ADCY9: variants seen among roughly 807,000 people sequenced by gnomAD.
The protein encoded by ADCY9 is adenylate cyclase type 9.
ADCY9 carries 50 observed loss-of-function variants against 101.5 expected under a neutral mutation model. The ratio of observed to expected loss-of-function variants is 0.49; its 90% confidence interval spans 0.39 to 0.62. ADCY9 has a LOEUF of 0.62. Ranked by LOEUF, ADCY9 falls within the 20% of genes least tolerant of loss-of-function variation. The pLI is 0.00. For synonymous variants in ADCY9, 905 were observed against 769.3 expected (o/e 1.18, Z -2.92); for missense variants, 1,662 against 1,800.4 (o/e 0.92, Z 1.39).
At chr16:4,062,700 C>CA (rs956376418) in intron 2 of ADCY9, among the ~76,000 whole-genome samples, 2 of 151,858 alleles carry the variant, frequency 1.3e-5, no homozygotes, top group African/African-American at 4.8e-5. Context: ...AACAAAAACA[C>CA]AAAAAAATCC....
intron 3 of ADCY9, among the ~76,000 whole-genome samples, chr16:4,002,952 G>T (rs144997327): frequency 6.6e-6 from 1 of 152,330 alleles, no homozygotes; most frequent in East Asian, 1.9e-4. Context: ...CTGACCGCAG[G>T]TGATCTCTCT....
At position 3,965,671 on chromosome 16, in the gene ADCY9, C is replaced by A. The variant is rs961740777; in HGVS notation, c.*104G>T. 1 of 1,040,262 alleles carries A rather than the reference C, an allele frequency of 9.6e-7. No homozygotes were observed. The highest frequency in any genetic ancestry group is 1.4e-6 in the Non-Finnish European group (1 of 712,884). 64.4% of individuals were successfully genotyped at this position (1,040,262 alleles called of 1,614,324 possible). On this transcript the variant is annotated 3_prime_UTR_variant, in exon 11 of 11. Transcript: ENST00000294016. ...GGGCTGAAATGACCACATAACACCA[C>A]GTCCGGGGAGGGCAACTGTGGCGCT...
chr16:4,098,504 G>C (rs891369845), intron 2 of ADCY9, among the ~76,000 whole-genome samples: 1 of 152,066 alleles, frequency 6.6e-6, no homozygotes, highest in South Asian at 2.1e-4. Context: ...AAAGTGCTGG[G>C]ATTACAGGCA....
intron 9 of ADCY9, among the ~76,000 whole-genome samples, chr16:3,975,016 G>A (rs1245184930): frequency 6.6e-6 from 1 of 152,176 alleles, no homozygotes; most frequent in East Asian, 1.9e-4. Context: ...TCTGGGCCGA[G>A]TGGAACTTCA....
intron 3 of ADCY9, among the ~76,000 whole-genome samples, chr16:4,001,755 G>GT (rs755749399): frequency 0.01 from 941 of 93,808 alleles, 5 homozygotes; most frequent in African/African-American, 0.012. Flanking sequence ...TTTTTTTATT[G>GT]TTTTTTTTTT....
At chr16:3,969,614 T>TATATAAGTA (rs1567414929) in intron 10 of ADCY9, among the ~76,000 whole-genome samples, 1 of 50,720 alleles carries the variant, frequency 2.0e-5, no homozygotes, top group African/African-American at 7.9e-5. Flanking sequence ...ATATATGTAT[T>TATATAAGTA]TTTTTTTTTT....
chr16:4,102,140 G>A (rs918958079), intron 2 of ADCY9, among the ~76,000 whole-genome samples: 25 of 152,130 alleles, frequency 1.6e-4, no homozygotes, highest in African/African-American at 5.8e-4. Context: ...AGCGGGGAGC[G>A]TTAGTTATTG....
chr16:4,014,728 G>A (rs956217430), intron 2 of ADCY9, among the ~76,000 whole-genome samples: 16 of 152,026 alleles, frequency 1.1e-4, no homozygotes, highest in African/African-American at 3.6e-4. Flanking sequence ...GATTAAAGGC[G>A]TGAGCCACCA....
intron 10 of ADCY9, among the ~76,000 whole-genome samples, chr16:3,969,793 T>C (rs1027816803): frequency 2.0e-5 from 3 of 150,336 alleles, no homozygotes; most frequent in Non-Finnish European, 4.4e-5. Context: ...TTTTTGAACT[T>C]TTTGTAGAGA....
intron 2 of ADCY9, among the ~76,000 whole-genome samples, chr16:4,008,891 G>A (rs1264301515): frequency 3.3e-5 from 5 of 152,180 alleles, no homozygotes; most frequent in African/African-American, 9.7e-5. Context: ...GCTTCAGGTC[G>A]TGAAGGGTGT....
chr16:4,108,969 G>C lies in ADCY9; in HGVS notation c.1693+4781C>G, dbSNP rs969469718. Among the ~76,000 whole-genome samples, 62 of 151,958 alleles carry C rather than the reference G, an allele frequency of 4.1e-4. 1 individual carries two copies. Among genetic ancestry groups the C allele is most frequent in the African/African-American group, 1.2e-3 (51 of 41,376 alleles). ...GATCCGCCTACCTCGGCCTCCCAAA[G>C]TGTTGAGATTACAGGCATGAGCCAC... On this transcript the variant is annotated intron_variant, in intron 2 of 10. Transcript: ENST00000294016.
intron 2 of ADCY9, among the ~76,000 whole-genome samples, chr16:4,025,002 C>G (rs1196069702): frequency 6.6e-6 from 1 of 151,850 alleles, no homozygotes; most frequent in Non-Finnish European, 1.5e-5. Context: ...TGGGAAGCAG[C>G]CTTGGAGCTG....
intron 2 of ADCY9, among the ~76,000 whole-genome samples, chr16:4,051,416 C>T (rs1310855295): frequency 2.0e-5 from 3 of 150,628 alleles, no homozygotes; most frequent in Non-Finnish European, 4.4e-5. Context: ...CCCAGCTACT[C>T]GGGAGACTGA....
In ADCY9 at chr16:3,967,987, G is replaced by A. The variant is rs758287318; in HGVS notation, c.2871-1021C>T. Reference sequence around the variant, plus strand: ...ATTACAGGTGTGAGCCACTGCACCCGGCTTTTTGCTGAATGAACTTTTTGA... The same window carrying A: ...ATTACAGGTGTGAGCCACTGCACCCAGCTTTTTGCTGAATGAACTTTTTGA... On this transcript the variant is annotated intron_variant, in intron 10 of 10. Coordinates refer to ENST00000294016, the MANE Select transcript of ADCY9 (RefSeq NM_001116.4). 3.3e-5 allele frequency among the ~76,000 whole-genome samples: 5 copies of A among 152,062 alleles called. 1 individual carries two copies. The highest frequency in any genetic ancestry group is 4.2e-4 in the South Asian group (2 of 4,808).
chr16:3,984,497 C>T (rs530946929), intron 6 of ADCY9, among the ~76,000 whole-genome samples: 8 of 152,252 alleles, frequency 5.3e-5, no homozygotes, highest in African/African-American at 1.2e-4. Flanking sequence ...TCTCCATTGA[C>T]GCTCACGGCA....
intron 2 of ADCY9, among the ~76,000 whole-genome samples, chr16:4,090,864 G>A (rs1201529227): frequency 6.6e-6 from 1 of 151,810 alleles, no homozygotes; most frequent in East Asian, 1.9e-4. Flanking sequence ...AGAGTCTCTA[G>A]GCTCTTATAT....
At chr16:4,001,835 C>T (rs916440870) in intron 3 of ADCY9, among the ~76,000 whole-genome samples, 8 of 151,772 alleles carry the variant, frequency 5.3e-5, no homozygotes, top group South Asian at 4.2e-4. Flanking sequence ...CTGCAACCTC[C>T]GCCTCCAGGT....
chr16:4,043,902 G>T (rs529340852), intron 2 of ADCY9, among the ~76,000 whole-genome samples: 1 of 152,290 alleles, frequency 6.6e-6, no homozygotes, highest in East Asian at 1.9e-4. Context: ...CTGCAACCTT[G>T]AGTGGGGCAC....
intron 2 of ADCY9, among the ~76,000 whole-genome samples, chr16:4,021,233 G>A (rs765843183): frequency 3.9e-5 from 6 of 152,204 alleles, no homozygotes; most frequent in East Asian, 1.9e-4. Context: ...CTCTCCAACC[G>A]CATTGGGCTT....
Sources: allele counts gnomAD v4.1 joint callset (sites outside exome capture counted in the v4.1 genomes callset), GRCh38; gene constraint gnomAD v4.1.1; transcripts MANE v1.5; gene names NCBI Gene and HGNC (gene_info 2026-07-23, HGNC 2026-07-21).